SDK1: variants seen among roughly 807,000 people sequenced by gnomAD.
SDK1 encodes sidekick cell adhesion molecule 1, also known as protein sidekick-1.
In SDK1, 157 loss-of-function variants were observed where a neutral mutation model predicts 245.5. The observed-to-expected ratio is 0.64, with a 90% CI of 0.56 to 0.73. The LOEUF is 0.73. Among genes scored for constraint, SDK1 ranks in the 30% least tolerant of loss-of-function variants. The pLI is 0.00. For missense variants in SDK1, 3,583 were observed against 3,002.3 expected, an observed-to-expected ratio of 1.19 and a Z score of -4.52; for synonymous variants, 1,647 against 1,278.5, an observed-to-expected ratio of 1.29 and a Z score of -6.15.
chr7:4,181,457 G>A (rs1202930628), intron 35 of SDK1, among the ~76,000 whole-genome samples: 1 of 152,198 alleles, frequency 6.6e-6, no homozygotes, highest in Non-Finnish European at 1.5e-5. Context: ...CAGGTGTGGG[G>A]AGGCAGTTGC....
intron 1 of SDK1, among the ~76,000 whole-genome samples, chr7:3,571,730 A>C (rs186952300): frequency 6.6e-6 from 1 of 152,146 alleles, no homozygotes; most frequent in African/African-American, 2.4e-5. Context: ...GAGGAGCTCA[A>C]TGAATATAAC....
intron 14 of SDK1, among the ~76,000 whole-genome samples, chr7:4,001,056 C>G (rs1200867917): frequency 1.3e-5 from 2 of 152,274 alleles, no homozygotes; most frequent in East Asian, 1.9e-4. Flanking sequence ...TTGGTTGGTC[C>G]TCACCTTCTG....
chr7:3,433,276 G>A (rs1023614333), intron 1 of SDK1, among the ~76,000 whole-genome samples: 55 of 151,916 alleles, frequency 3.6e-4, no homozygotes, highest in African/African-American at 1.1e-3. Flanking sequence ...AAACCAGACT[G>A]CTGTAATCTA....
chr7:3,827,369 C>G (rs143133860), intron 5 of SDK1, among the ~76,000 whole-genome samples: 1 of 151,906 alleles, frequency 6.6e-6, no homozygotes, highest in Admixed American at 6.6e-5. Flanking sequence ...CCTTTCTTTC[C>G]GAACGAGATG....
At chr7:4,049,260 T>C (rs1562727059) in intron 17 of SDK1, 88 bp from the exon 18 acceptor site, 3 of 916,950 alleles carry the variant, frequency 3.3e-6, no homozygotes, top group Non-Finnish European at 1.7e-6. Context: ...GTGAGCATGA[T>C]GGCAGCTAAG....
chr7:3,568,219 CATTTA>C (rs1345732057), intron 1 of SDK1, among the ~76,000 whole-genome samples: 1 of 152,044 alleles, frequency 6.6e-6, no homozygotes, highest in South Asian at 2.1e-4. Flanking sequence ...GTTTAATATG[CATTTA>C]ATTTAATATG....
chr7:3,749,806 C>A (rs1035304593), intron 4 of SDK1, among the ~76,000 whole-genome samples: 1 of 152,052 alleles, frequency 6.6e-6, no homozygotes, highest in Non-Finnish European at 1.5e-5. Flanking sequence ...CCCTACAAAT[C>A]CCAAGGCAGA....
intron 5 of SDK1, 111 bp downstream of exon 5, chr7:3,821,694 T>A: frequency 8.5e-7 from 1 of 1,174,802 alleles, no homozygotes; most frequent in Non-Finnish European, 1.2e-6. Context: ...TCTAGTGTAG[T>A]AGTTACGGTT....
At chr7:3,555,873 C>A (rs553543687) in intron 1 of SDK1, among the ~76,000 whole-genome samples, 2 of 152,126 alleles carry the variant, frequency 1.3e-5, no homozygotes, top group African/African-American at 4.8e-5. Flanking sequence ...AAGGTATCAT[C>A]TCACTCCAGT....
chr7:3,601,569 G>A (rs1001683776), intron 1 of SDK1, among the ~76,000 whole-genome samples: 5 of 151,730 alleles, frequency 3.3e-5, no homozygotes, highest in Admixed American at 2.6e-4. Flanking sequence ...CATTGTTGGT[G>A]TTGATGATTT....
At chr7:3,771,026 G>C (rs1780392993) in intron 4 of SDK1, among the ~76,000 whole-genome samples, 1 of 152,112 alleles carries the variant, frequency 6.6e-6, no homozygotes, top group African/African-American at 2.4e-5. Context: ...TCTGGTCTTG[G>C]CTTTGTTTGT....
chr7:3,324,266 G>T (rs985556281), intron 1 of SDK1, among the ~76,000 whole-genome samples: 15 of 152,112 alleles, frequency 9.9e-5, no homozygotes, highest in Non-Finnish European at 5.9e-5. Context: ...TGTATATATG[G>T]AAAGGAAGAC....
intron 1 of SDK1, among the ~76,000 whole-genome samples, chr7:3,401,329 G>C (rs547937801): frequency 4.6e-5 from 7 of 152,240 alleles, no homozygotes; most frequent in Admixed American, 1.3e-4. Flanking sequence ...TGATAACTTG[G>C]AAGTTTAAAC....
intron 29 of SDK1, among the ~76,000 whole-genome samples, chr7:4,147,133 G>T (rs1780037310): frequency 6.6e-6 from 1 of 152,156 alleles, no homozygotes; most frequent in Non-Finnish European, 1.5e-5. Context: ...GAGCTTGCAG[G>T]CACCACTGCA....
Position 3,731,895 on chromosome 7 carries a change from G to A in SDK1, c.714-89555G>A, listed in dbSNP as rs889454257. Among the ~76,000 whole-genome samples the A allele has an allele frequency of 1.2e-4, 19 of 152,042 alleles. No homozygotes were observed. In the East Asian group the frequency reaches 1.7e-3, roughly 14 times the overall value. On this transcript the variant is annotated intron_variant, in intron 4 of 44. Coordinates refer to ENST00000404826, the MANE Select transcript of SDK1 (RefSeq NM_152744.4). Reference sequence around the variant, plus strand: ...CAACCTCCACTTCCCAGGTTCAAGCGATTATCCTGCCTCAGCCTCCTGAGT... The same window carrying A: ...CAACCTCCACTTCCCAGGTTCAAGCAATTATCCTGCCTCAGCCTCCTGAGT...
chr7:3,930,426 C>T (rs1465566767), intron 5 of SDK1, among the ~76,000 whole-genome samples: 1 of 152,158 alleles, frequency 6.6e-6, no homozygotes, highest in African/African-American at 2.4e-5. Context: ...ATCACGTACA[C>T]ACACAAGTTT....
chr7:4,050,415 T>G (rs1242788201), intron 18 of SDK1, among the ~76,000 whole-genome samples: 1 of 152,252 alleles, frequency 6.6e-6, no homozygotes. Flanking sequence ...TGCTTTTGCC[T>G]TCTTCCCTCT....
chr7:3,349,209 A>C (rs1453767070), intron 1 of SDK1, among the ~76,000 whole-genome samples: 2 of 152,016 alleles, frequency 1.3e-5, no homozygotes, highest in African/African-American at 2.4e-5. Flanking sequence ...AACAAAAAAA[A>C]CACAACAAAA....
intron 19 of SDK1, among the ~76,000 whole-genome samples, chr7:4,065,935 T>G (rs924275332): frequency 3.3e-5 from 5 of 151,970 alleles, no homozygotes; most frequent in Non-Finnish European, 5.9e-5. Flanking sequence ...ACCCTTGACT[T>G]CATGCTCTCC....
Sources: allele counts gnomAD v4.1 joint callset (sites outside exome capture counted in the v4.1 genomes callset), GRCh38; gene constraint gnomAD v4.1.1; transcripts MANE v1.5; gene names NCBI Gene and HGNC (gene_info 2026-07-23, HGNC 2026-07-21).